The following THSD7B variants were observed in gnomAD, a reference collection of about 807,000 sequenced individuals.
THSD7B encodes thrombospondin type-1 domain-containing protein 7B.
In THSD7B, 138 loss-of-function variants were observed where a neutral mutation model predicts 213.6. The observed-to-expected ratio is 0.65, with a 90% confidence interval of 0.56 to 0.74. The LOEUF is 0.74. Ranked by LOEUF, THSD7B falls within the 30% of genes least tolerant of loss-of-function variation. THSD7B has a pLI of 0.00. For missense variants in THSD7B, 1,931 were observed against 1,991.5 expected (o/e 0.97, Z 0.58); for synonymous variants, 742 against 687.0 (o/e 1.08, Z -1.25).
At chr2:136,922,237 C>A (rs1490815416) in intron 2 of THSD7B, among the ~76,000 whole-genome samples, 2 of 152,156 alleles carry the variant, frequency 1.3e-5, no homozygotes, top group African/African-American at 4.8e-5. Flanking sequence ...ATTCTCCAAC[C>A]AGAGGGCATT....
intron 14 of THSD7B, among the ~76,000 whole-genome samples, chr2:137,429,827 A>C (rs1318449810): frequency 1.3e-5 from 2 of 152,202 alleles, no homozygotes; most frequent in Non-Finnish European, 2.9e-5. Flanking sequence ...TGTGCTAAAG[A>C]AGCTTTGTTA....
intron 3 of THSD7B, among the ~76,000 whole-genome samples, chr2:137,092,482 A>T (rs113685808): frequency 6.6e-6 from 1 of 152,298 alleles, no homozygotes; most frequent in Non-Finnish European, 1.5e-5. Flanking sequence ...CTTTTCCTCT[A>T]TGAACACATT....
intron 1 of THSD7B, among the ~76,000 whole-genome samples, chr2:136,776,799 T>A (rs1359305267): frequency 6.6e-6 from 1 of 152,166 alleles, no homozygotes; most frequent in Non-Finnish European, 1.5e-5. Context: ...GATGGAAATA[T>A]GGTAGAGCAT....
At chr2:137,215,757 T>C (rs1681224888) in intron 7 of THSD7B, among the ~76,000 whole-genome samples, 1 of 152,202 alleles carries the variant, frequency 6.6e-6, no homozygotes, top group African/African-American at 2.4e-5. Context: ...ATTAGCTCTT[T>C]GACTACTTTG....
chr2:137,432,368 C>T (rs568167425), intron 14 of THSD7B, among the ~76,000 whole-genome samples: 1 of 151,988 alleles, frequency 6.6e-6, no homozygotes, highest in Non-Finnish European at 1.5e-5. Context: ...TCCAGCCTGC[C>T]GACAGAGCGG....
rs1168987243 is a variant in THSD7B at position 137,372,862 on chromosome 2, A to C, written c.2501-32751A>C. ...TCCCTTCCCCCTCCCCCCACCCCAC[A>C]ACAGTCCCCAGAGTGTGATGTTCCC... On this transcript the variant is annotated intron_variant, in intron 12 of 27. Coordinates refer to ENST00000409968, the MANE Select transcript of THSD7B (RefSeq NM_001316349.2). Among the ~76,000 whole-genome samples, 16 of 81,922 alleles carry C rather than the reference A, an allele frequency of 2.0e-4. No individual in the cohort carries two copies. In the East Asian group the frequency reaches 2.4e-3, roughly 12 times the overall value. 53.7% of individuals were successfully genotyped at this position (81,922 alleles called of 152,430 possible). A position where few individuals can be genotyped will look rare whatever the true frequency, so the allele number is the denominator to read the frequency against.
At position 137,399,305 on chromosome 2, in the gene THSD7B, C is replaced by A. The variant is rs184715627; in HGVS notation, c.2501-6308C>A. ...CCTCCTGGATTCAAGCGATTTTCCT[C>A]CCTCAGCCCCTTGAATAGCTGGGAT... On this transcript the variant is annotated intron_variant, in intron 12 of 27. Transcript: ENST00000409968. 1.3e-3 allele frequency among the ~76,000 whole-genome samples: 193 copies of A among 151,778 alleles called. 1 individual carries two copies. Among genetic ancestry groups the A allele is most frequent in the African/African-American group, 4.3e-3 (179 of 41,400 alleles).
chr2:137,343,535 G>A (rs1232930748), intron 12 of THSD7B, among the ~76,000 whole-genome samples: 4 of 151,660 alleles, frequency 2.6e-5, no homozygotes, highest in Non-Finnish European at 4.4e-5. Context: ...TTCAACATAG[G>A]CATTATTGGT....
At chr2:136,798,244 C>A (rs1466254167) in intron 1 of THSD7B, among the ~76,000 whole-genome samples, 1 of 151,068 alleles carries the variant, frequency 6.6e-6, no homozygotes, top group Non-Finnish European at 1.5e-5. Flanking sequence ...ATGTTAGCAA[C>A]CCCTATTTTA....
intron 5 of THSD7B, among the ~76,000 whole-genome samples, chr2:137,133,699 G>A (rs1573844064): frequency 6.6e-6 from 1 of 152,268 alleles, no homozygotes; most frequent in Admixed American, 6.5e-5. Flanking sequence ...CATGAAAAAT[G>A]CATAAAGAAG....
At chr2:137,546,483 A>ATAT (rs1680742414) in intron 15 of THSD7B, among the ~76,000 whole-genome samples, 2 of 77,412 alleles carry the variant, frequency 2.6e-5, no homozygotes, top group Non-Finnish European at 4.6e-5. Context: ...TATATAATAT[A>ATAT]TATATATATA....
At chr2:137,012,338 C>G (rs1244888900) in intron 2 of THSD7B, among the ~76,000 whole-genome samples, 2 of 152,156 alleles carry the variant, frequency 1.3e-5, no homozygotes, top group African/African-American at 4.8e-5. Context: ...CAATACTCCA[C>G]CTAATTGCTA....
chr2:137,228,547 A>G (rs926445648), intron 7 of THSD7B, among the ~76,000 whole-genome samples: 4 of 152,130 alleles, frequency 2.6e-5, no homozygotes, highest in African/African-American at 9.7e-5. Flanking sequence ...CCTCCAAGAT[A>G]GTCTTTCTCT....
intron 2 of THSD7B, among the ~76,000 whole-genome samples, chr2:136,915,567 T>C (rs1296987160): frequency 3.3e-5 from 5 of 152,236 alleles, no homozygotes; most frequent in Admixed American, 3.3e-4. Flanking sequence ...TTCTTAATGG[T>C]CAGGTAGTAT....
At chr2:137,325,839 C>G (rs1180046388) in intron 12 of THSD7B, among the ~76,000 whole-genome samples, 2 of 152,200 alleles carry the variant, frequency 1.3e-5, no homozygotes, top group African/African-American at 4.8e-5. Flanking sequence ...TTCTGATTCT[C>G]TTGGCTCTGT....
chr2:136,776,799 T>C (rs1359305267), intron 1 of THSD7B, among the ~76,000 whole-genome samples: 11 of 152,166 alleles, frequency 7.2e-5, no homozygotes, highest in African/African-American at 2.4e-4. Context: ...GATGGAAATA[T>C]GGTAGAGCAT....
At chr2:136,846,157 G>A (rs772304916) in intron 1 of THSD7B, among the ~76,000 whole-genome samples, 1 of 152,152 alleles carries the variant, frequency 6.6e-6, no homozygotes, top group Non-Finnish European at 1.5e-5. Flanking sequence ...CAGATAAAAT[G>A]AGGTCTTTGT....
At chr2:137,374,834 C>A (rs555038791) in intron 12 of THSD7B, among the ~76,000 whole-genome samples, 9 of 152,116 alleles carry the variant, frequency 5.9e-5, no homozygotes, top group Non-Finnish European at 1.3e-4. Flanking sequence ...CCAGCTCATT[C>A]ATTTTGCATA....
intron 25 of THSD7B, among the ~76,000 whole-genome samples, chr2:137,660,238 C>T (rs1004579565): frequency 6.6e-6 from 1 of 151,164 alleles, no homozygotes; most frequent in Non-Finnish European, 1.5e-5. Flanking sequence ...TTTTTCAAAG[C>T]AGAAATTTAT....
Sources: allele counts gnomAD v4.1 joint callset (sites outside exome capture counted in the v4.1 genomes callset), GRCh38; gene constraint gnomAD v4.1.1; transcripts MANE v1.5; gene names NCBI Gene and HGNC (gene_info 2026-07-23, HGNC 2026-07-21).